Variants in SEPTIN9 observed in about 807,000 individuals in gnomAD.
SEPTIN9 encodes the protein septin 9.
Under a neutral mutation model 56.6 loss-of-function variants are expected in SEPTIN9, and 13 were observed. The observed-to-expected ratio is 0.23, with a 90% CI of 0.15 to 0.37. SEPTIN9 has a LOEUF of 0.37. Among genes scored for constraint, SEPTIN9 ranks in the 10% least tolerant of loss-of-function variants. SEPTIN9 has a pLI of 1.00. For synonymous variants in SEPTIN9, 332 were observed against 334.1 expected, an observed-to-expected ratio of 0.99 and a Z score of 0.07; for missense variants, 650 against 823.1, an observed-to-expected ratio of 0.79 and a Z score of 2.57.
chr17:77,362,151 C>T (rs2034439216), intron 2 of SEPTIN9, among the ~76,000 whole-genome samples: 1 of 152,376 alleles, frequency 6.6e-6, no homozygotes, highest in African/African-American at 2.4e-5. Context: ...GATTTGGGGG[C>T]AGAGGCCTGT....
In SEPTIN9 at chr17:77,296,713, C is replaced by T. The variant is rs558511355; in HGVS notation, c.20-10428C>T. Among the ~76,000 whole-genome samples, 14 of 152,130 alleles carry T rather than the reference C, an allele frequency of 9.2e-5. No homozygotes were observed. In the South Asian group the frequency reaches 1.9e-3, roughly 20 times the overall value. ...ACTAAAAATAGAAAAATTAGCTGGG[C>T]GTGGTGGTGCATGTCTGTAATCCCA... On this transcript the variant is annotated intron_variant, in intron 1 of 11. Transcript: ENST00000427177.
chr17:77,425,623 C>T lies in SEPTIN9; in HGVS notation c.721+22920C>T, dbSNP rs1418159648. On this transcript the variant is annotated intron_variant, in intron 3 of 11. Coordinates refer to ENST00000427177, the MANE Select transcript of SEPTIN9 (RefSeq NM_001113491.2). The surrounding 1 kb of genome is among the most constrained non-coding windows in gnomAD (Gnocchi z 4.2). The stretch of plus-strand genomic sequence containing the variant: ...ATTCACCACTCAGGACCTGGAGCCT[C>T]AGCCAGAGAGGGACCCTCCACTGCC... 6.6e-6 allele frequency among the ~76,000 whole-genome samples: 1 copy of T among 152,210 alleles called. No individual in the cohort carries two copies. The highest frequency in any genetic ancestry group is 1.5e-5 in the Non-Finnish European group (1 of 68,010).
In SEPTIN9 at chr17:77,405,330, C is replaced by A. The variant is rs2036029859; in HGVS notation, c.721+2627C>A. Among the ~76,000 whole-genome samples, 1 of 152,122 alleles carries A rather than the reference C, an allele frequency of 6.6e-6. No homozygotes were observed. The highest frequency in any genetic ancestry group is 1.5e-5 in the Non-Finnish European group (1 of 68,020). ...CACAAGGAGTGTCCAGGGAGCTTCC[C>A]CAGCAGTGGAAGTACAATTTCATCA... On this transcript the variant is annotated intron_variant, in intron 3 of 11. Coordinates refer to ENST00000427177, the MANE Select transcript of SEPTIN9 (RefSeq NM_001113491.2). The surrounding 1 kb of genome is among the most constrained non-coding windows in gnomAD (Gnocchi z 5.8).
chr17:77,360,732 T>G (rs1460577311), intron 2 of SEPTIN9, among the ~76,000 whole-genome samples: 1 of 151,644 alleles, frequency 6.6e-6, no homozygotes, highest in African/African-American at 2.4e-5. Context: ...ACCCGGCTAA[T>G]TTTTTGTATT....
intron 3 of SEPTIN9, among the ~76,000 whole-genome samples, chr17:77,440,397 C>T (rs1278522212): frequency 1.3e-5 from 2 of 152,170 alleles, no homozygotes; most frequent in African/African-American, 4.8e-5. Context: ...TCAGGTGATC[C>T]GCCTGCCTTC....
At chr17:77,418,653 C>A (rs886970393) in intron 3 of SEPTIN9, among the ~76,000 whole-genome samples, 3 of 152,134 alleles carry the variant, frequency 2.0e-5, no homozygotes, top group Non-Finnish European at 4.4e-5. Context: ...TCCAGCTCTG[C>A]CTTGATTTTC....
intron 10 of SEPTIN9, among the ~76,000 whole-genome samples, chr17:77,496,004 ATTTTCTTTTCTTTTCT>A (rs1470222682): frequency 5.4e-5 from 8 of 148,166 alleles, no homozygotes; most frequent in Admixed American, 2.0e-4. Flanking sequence ...TCTATGCCTC[ATTTTCTTTTCTTTTCT>A]TTTTCTTTTT....
intron 2 of SEPTIN9, among the ~76,000 whole-genome samples, chr17:77,381,505 C>G (rs540176669): frequency 6.6e-6 from 1 of 152,302 alleles, no homozygotes; most frequent in South Asian, 2.1e-4. Flanking sequence ...CAGGCCAGGC[C>G]CCTGCCCTAT....
intron 3 of SEPTIN9, among the ~76,000 whole-genome samples, chr17:77,439,919 T>TA (rs1417188902): frequency 6.6e-6 from 1 of 152,212 alleles, no homozygotes; most frequent in Non-Finnish European, 1.5e-5. Flanking sequence ...TTGTTCCACT[T>TA]ACCACCCTAT....
Position 77,498,937 on chromosome 17 carries a change from TC to T in SEPTIN9, c.*283del. ...ATGACCCTCTGTCCCCAGGCCTGGC[TC>T]CCCGAGGGCTCAGAAGAGCAGCTTC... is the stretch of plus-strand genomic sequence containing the variant. On this transcript the variant is annotated 3_prime_UTR_variant, in exon 12 of 12. Coordinates refer to ENST00000427177, the MANE Select transcript of SEPTIN9 (RefSeq NM_001113491.2). The T allele has an allele frequency of 1.8e-6, 1 of 555,360 alleles. No individual in the cohort carries two copies. The highest frequency in any genetic ancestry group is 3.5e-6 in the Non-Finnish European group (1 of 289,730). 34.4% of individuals were successfully genotyped at this position (555,360 alleles called of 1,614,324 possible).
intron 1 of SEPTIN9, among the ~76,000 whole-genome samples, chr17:77,293,932 C>T (rs909400194): frequency 2.6e-5 from 4 of 151,804 alleles, no homozygotes; most frequent in African/African-American, 4.8e-5. Flanking sequence ...GGCGAAACCC[C>T]GTCTCTACTA....
chr17:77,347,941 G>A (rs894272654), intron 2 of SEPTIN9, among the ~76,000 whole-genome samples: 1 of 152,138 alleles, frequency 6.6e-6, no homozygotes, highest in South Asian at 2.1e-4. Context: ...GATGTATTAA[G>A]TGCATTTTTG....
At chr17:77,305,691 A>G (rs1219551706) in intron 1 of SEPTIN9, among the ~76,000 whole-genome samples, 1 of 151,596 alleles carries the variant, frequency 6.6e-6, no homozygotes, top group Admixed American at 6.6e-5. Flanking sequence ...CGAAGGATAC[A>G]CTGTGCTCAT....
chr17:77,369,594 C>T lies in SEPTIN9; in HGVS notation c.77-32465C>T, dbSNP rs1446134550. Among the ~76,000 whole-genome samples, 2 of 152,190 alleles carry T rather than the reference C, an allele frequency of 1.3e-5. No individual in the cohort carries two copies. The highest frequency in any genetic ancestry group is 2.9e-5 in the Non-Finnish European group (2 of 68,036). On this transcript the variant is annotated intron_variant, in intron 2 of 11. Transcript: ENST00000427177. The surrounding 1 kb of genome is among the most constrained non-coding windows in gnomAD (Gnocchi z 4.9). ...TGCCACTGACGGACCCAGGGCTCGG[C>T]AGCTCTGGGAGGCCTACTTTGTGTC...
At chr17:77,331,631 G>C (rs1258026522) in intron 2 of SEPTIN9, among the ~76,000 whole-genome samples, 6 of 152,196 alleles carry the variant, frequency 3.9e-5, no homozygotes, top group Non-Finnish European at 7.3e-5. Context: ...TGCGGGGTTT[G>C]CATTTTCACT....
At position 77,499,292 on chromosome 17, in the gene SEPTIN9, A is replaced by G. The variant is rs771828774; in HGVS notation, c.*634A>G. On this transcript the variant is annotated 3_prime_UTR_variant, in exon 12 of 12. Coordinates refer to ENST00000427177, the MANE Select transcript of SEPTIN9 (RefSeq NM_001113491.2). ...CCCTCCTGGAGCAGAAAGTGCCTTT[A>G]TCTCAGCCATCCGCAGACTGCTTGG... 1.7e-6 allele frequency: 1 copy of G among 597,702 alleles called. No individual in the cohort carries two copies. The highest frequency in any genetic ancestry group is 1.4e-5 in the South Asian group (1 of 71,852). 37.0% of individuals were successfully genotyped at this position (597,702 alleles called of 1,614,324 possible). A position where few individuals can be genotyped will look rare whatever the true frequency, so the allele number is the denominator to read the frequency against.
In SEPTIN9 at chr17:77,402,696, C is replaced by G; in HGVS notation, c.714C>G (p.Ser238Arg). The stretch of plus-strand genomic sequence containing the variant: ...CTGTGGCTGAGGCTACACCCCGGAG[C>G]CAGGAGGGTGAGTCGCAGAGCGCTA... ...QPPVAEATPRSQEATEAAPSC... is the reference protein window; with the variant it reads ...QPPVAEATPRRQEATEAAPSC... Residue 238 changes from serine to arginine, a missense_variant, in exon 3 of 12, where the codon AGC (serine) becomes AGG (arginine). Transcript: ENST00000427177. The surrounding 1 kb of genome is among the most constrained non-coding windows in gnomAD (Gnocchi z 6.6). 1 of 1,584,746 alleles carries G rather than the reference C, an allele frequency of 6.3e-7. No individual in the cohort carries two copies. The highest frequency in any genetic ancestry group is 8.6e-7 in the Non-Finnish European group (1 of 1,166,116).
At chr17:77,478,756 A>G (rs1207301852) in intron 3 of SEPTIN9, among the ~76,000 whole-genome samples, 1 of 151,288 alleles carries the variant, frequency 6.6e-6, no homozygotes, top group East Asian at 1.9e-4. Flanking sequence ...GTGAGCCGAG[A>G]TCGCGCCATT....
At chr17:77,495,396 A>G (rs2040219042) in intron 10 of SEPTIN9, among the ~76,000 whole-genome samples, 1 of 152,160 alleles carries the variant, frequency 6.6e-6, no homozygotes, top group South Asian at 2.1e-4. Context: ...CCGGACTAGT[A>G]AGGGCTGTGC....
Sources: gnomAD v4.1 joint callset for allele counts (sites outside exome capture counted in the v4.1 genomes callset) on GRCh38, gnomAD v4.1.1 for gene constraint, Gnocchi (gnomAD v3.1) non-coding constraint, MANE v1.5 for transcripts, NCBI Gene and HGNC (gene_info 2026-07-23, HGNC 2026-07-21) for gene names.